Variants in CNTRL observed in about 807,000 individuals in gnomAD.
CNTRL encodes centriolin, also known as 110 kDa centrosomal protein.
Under a neutral mutation model 303.7 loss-of-function variants are expected in CNTRL, and 233 were observed. The observed-to-expected ratio is 0.77, with a 90% CI of 0.69 to 0.86. The LOEUF is 0.86. Among genes scored for constraint, CNTRL ranks in the 40% least tolerant of loss-of-function variants. The probability of loss-of-function intolerance (pLI) is 0.00; values close to 1 mark genes in which losing one functional copy is unlikely to be tolerated. For synonymous variants in CNTRL, 900 were observed against 922.2 expected, an observed-to-expected ratio of 0.98 and a Z score of 0.44; for missense variants, 2,524 against 2,650.6, an observed-to-expected ratio of 0.95 and a Z score of 1.05.
rs1173537693 is a variant in CNTRL, at chr9:121,144,863, GT to G, written c.3074del (p.Phe1025SerfsTer42). The G allele has an allele frequency of 1.6e-5, 26 of 1,613,170 alleles. No homozygotes were observed. Among genetic ancestry groups the G allele is most frequent in the Non-Finnish European group, 2.1e-5 (25 of 1,179,928 alleles). ...RAEELQEAER[F>X]SRKAAQAARD... ...AGTAGGAGTTGCAGGAAGCAGAGAG[GT>G]TCAGCAGAAAGGCAGCACAAGCAGC... On this transcript the variant is annotated frameshift_variant, in exon 21 of 44. Transcript: ENST00000373855. LOFTEE classifies it high-confidence loss of function.
Position 121,129,136 on chromosome 9 carries a change from T to C in CNTRL, c.2025+3200T>C, listed in dbSNP as rs545837019. 7.4e-4 allele frequency among the ~76,000 whole-genome samples: 112 copies of C among 152,352 alleles called. 1 individual carries two copies. The highest frequency in any genetic ancestry group is 2.6e-3 in the African/African-American group (108 of 41,584). On this transcript the variant is annotated intron_variant, in intron 14 of 43. Coordinates refer to ENST00000373855, the MANE Select transcript of CNTRL (RefSeq NM_007018.6). ...CTTGGCAATGCAGGCTCTTTTTTGG[T>C]TCCATATGAACTTTAAAGTAGTTTT...
At chr9:121,169,904 AT>A in intron 39 of CNTRL, 88 bp downstream of exon 39, 1 of 1,074,526 alleles carries the variant, frequency 9.3e-7, no homozygotes, top group Non-Finnish European at 1.4e-6. Context: ...GAGAAAATAA[AT>A]TACCCATCAA....
chr9:121,076,349 G>A (rs1406544317), intron 1 of CNTRL, among the ~76,000 whole-genome samples: 1 of 152,170 alleles, frequency 6.6e-6, no homozygotes. Flanking sequence ...AAGAGAGATG[G>A]GAGAGGGGAT....
In CNTRL at chr9:121,167,725, T is replaced by C. The variant is rs776671646; in HGVS notation, c.5844+48T>C. 30 of 1,518,666 alleles carry C rather than the reference T, an allele frequency of 2.0e-5. No homozygotes were observed. The South Asian group carries it at 2.5e-4, about 13-fold the overall frequency. 94.1% of individuals were successfully genotyped at this position (1,518,666 alleles called of 1,614,324 possible). A position where few individuals can be genotyped will look rare whatever the true frequency, so the allele number is the denominator to read the frequency against. On this transcript the variant is annotated intron_variant, in intron 37 of 43. Transcript: ENST00000373855. ...CATAAAAAAAGCATTTTGTGGCTCA[T>C]GTGAGCCTATTTTTCCCCTGGCAGA...
chr9:121,116,745 T>C (rs1479318995), intron 11 of CNTRL, among the ~76,000 whole-genome samples: 2 of 152,212 alleles, frequency 1.3e-5, no homozygotes, highest in African/African-American at 2.4e-5. Flanking sequence ...TGTGTGCATC[T>C]GTATCTGTCA....
At chr9:121,172,470 G>C (rs1450463479) in intron 40 of CNTRL, among the ~76,000 whole-genome samples, 2 of 151,964 alleles carry the variant, frequency 1.3e-5, no homozygotes, top group Non-Finnish European at 2.9e-5. Context: ...CCGAGACCCC[G>C]TCTCTACTAA....
intron 26 of CNTRL, among the ~76,000 whole-genome samples, chr9:121,154,461 A>G (rs1588285197): frequency 6.6e-6 from 1 of 152,256 alleles, no homozygotes; most frequent in East Asian, 1.9e-4. Context: ...TGACAACACA[A>G]TAATCTTTGT....
Position 121,125,897 on chromosome 9 carries a change from G to A in CNTRL, c.1986G>A (p.Gln662=), listed in dbSNP as rs2133526675. The part of the protein sequence containing the change: ...RLTEVEQERD[Q]LEIVAMDAEN... ...CAGAAGTCGAGCAGGAGAGAGACCA[G>A]CTGGAAATAGTTGCCATGGATGCAG... Residue 662 remains glutamine, a synonymous_variant, in exon 14 of 44, where the codon CAG becomes CAA. Coordinates refer to ENST00000373855, the MANE Select transcript of CNTRL (RefSeq NM_007018.6). 6.2e-7 allele frequency: 1 copy of A among 1,614,196 alleles called. No homozygotes were observed. The highest frequency in any genetic ancestry group is 1.1e-5 in the South Asian group (1 of 91,088).
Position 121,142,177 on chromosome 9 carries a change from G to A in CNTRL, c.2778G>A (p.Met926Ile). 1.2e-6 allele frequency: 2 copies of A among 1,613,154 alleles called. No individual in the cohort carries two copies. Among genetic ancestry groups the A allele is most frequent in the Non-Finnish European group, 1.7e-6 (2 of 1,179,582 alleles). The change falls in exon 19 of 44, where the codon ATG (methionine) becomes ATA (isoleucine). Residue 926 changes from methionine (M) to isoleucine (I), a missense_variant. Met to Ile is a conservative substitution (Grantham distance 10). Transcript: ENST00000373855. ...IHYLQENLKS[M>I]EEIQGLTDLQ... Reference sequence around the variant, plus strand: ...ATTTGCAAGAAAATCTAAAAAGTATGGAGGAAATCCAAGGCCTTACAGATC... The same window carrying A: ...ATTTGCAAGAAAATCTAAAAAGTATAGAGGAAATCCAAGGCCTTACAGATC...
At position 121,148,795 on chromosome 9, in the gene CNTRL, C is replaced by T. The variant is rs762515435; in HGVS notation, c.3583C>T (p.Pro1195Ser). The T allele has an allele frequency of 6.2e-7, 1 of 1,614,040 alleles. No individual in the cohort carries two copies. Among genetic ancestry groups the T allele is most frequent in the Admixed American group, 1.7e-5 (1 of 60,028 alleles). ...TGGGAAGGAAGGCAGTCAACCTCCC[C>T]CTGCCTCAGGATACTGGGTTTATTC... The part of the protein sequence containing the change: ...QDGKEGSQPP[P>S]ASGYWVYSPI... Residue 1195 changes from proline (P) to serine (S), a missense_variant, in exon 24 of 44, where the codon CCT becomes TCT. Physicochemically the swap from Pro to Ser is moderately conservative, Grantham distance 74 (BLOSUM62 -1). Transcript: ENST00000373855.
chr9:121,090,989 G>T (rs1399335726), intron 4 of CNTRL, among the ~76,000 whole-genome samples: 1 of 152,144 alleles, frequency 6.6e-6, no homozygotes, highest in East Asian at 1.9e-4. Context: ...GAGAGCTTGT[G>T]AAGGAAAACT....
chr9:121,133,557 T>C (rs1274495251), intron 14 of CNTRL, among the ~76,000 whole-genome samples: 1 of 152,228 alleles, frequency 6.6e-6, no homozygotes, highest in Admixed American at 6.5e-5. Flanking sequence ...TCTGTGAATG[T>C]ACGGCTTCCC....
intron 24 of CNTRL, 67 bp from the exon 25 acceptor site, chr9:121,150,103 T>G: frequency 7.7e-7 from 1 of 1,305,148 alleles, no homozygotes; most frequent in South Asian, 1.5e-5. Context: ...TAAATTTGTT[T>G]ACCTGGTAAA....
chr9:121,140,195 T>G (rs1202512406), intron 16 of CNTRL, among the ~76,000 whole-genome samples: 1 of 152,342 alleles, frequency 6.6e-6, no homozygotes, highest in East Asian at 1.9e-4. Flanking sequence ...ACCCCAGCCC[T>G]GATTTAACAT....
intron 6 of CNTRL, among the ~76,000 whole-genome samples, chr9:121,097,199 G>A (rs1242996548): frequency 6.6e-6 from 1 of 152,014 alleles, no homozygotes; most frequent in Non-Finnish European, 1.5e-5. Flanking sequence ...TAGTAAATTT[G>A]TTAATTTATT....
chr9:121,162,000 G>A, intron 33 of CNTRL, 29 bp downstream of exon 33: 1 of 1,613,084 alleles, frequency 6.2e-7, no homozygotes. Flanking sequence ...GTACCCTTAA[G>A]AAACTGAAGT....
chr9:121,103,059 A>G (rs1241818093), intron 7 of CNTRL, among the ~76,000 whole-genome samples: 2 of 152,240 alleles, frequency 1.3e-5, no homozygotes, highest in African/African-American at 4.8e-5. Context: ...TTTAAAGTTC[A>G]TATGGAACCA....
At chr9:121,098,362 A>T in intron 6 of CNTRL, 24 bp from the exon 7 acceptor site, 5 of 1,475,380 alleles carry the variant, frequency 3.4e-6, no homozygotes, top group Non-Finnish European at 4.7e-6. Context: ...AAATTATACC[A>T]ATACTAATGT....
At chr9:121,174,471 T>A (rs1415835947) in intron 42 of CNTRL, among the ~76,000 whole-genome samples, 1 of 152,244 alleles carries the variant, frequency 6.6e-6, no homozygotes, top group Non-Finnish European at 1.5e-5. Context: ...GTCTAGTGGC[T>A]TCTATATTTA....
Sources: gnomAD v4.1 joint callset for allele counts (sites outside exome capture counted in the v4.1 genomes callset) on GRCh38, gnomAD v4.1.1 for gene constraint, MANE v1.5 for transcripts, NCBI Gene and HGNC (gene_info 2026-07-23, HGNC 2026-07-21) for gene names.